Variants in CREBBP observed in about 807,000 individuals in gnomAD.
CREBBP encodes the protein CREB binding lysine acetyltransferase.
CREBBP carries 19 observed loss-of-function variants against 265.0 expected under a neutral mutation model. The observed-to-expected ratio is 0.07, with a 90% CI of 0.05 to 0.11. CREBBP has a LOEUF of 0.11. Among genes scored for constraint, CREBBP ranks in the 10% least tolerant of loss-of-function variants. CREBBP has a pLI of 1.00. For synonymous variants in CREBBP, 1,457 were observed against 1,223.7 expected, an observed-to-expected ratio of 1.19 and a Z score of -3.98; for missense variants, 2,525 against 3,219.0, an observed-to-expected ratio of 0.78 and a Z score of 5.22.
At chr16:3,878,701 T>C (rs1287316978) in intron 1 of CREBBP, among the ~76,000 whole-genome samples, 1 of 152,188 alleles carries the variant, frequency 6.6e-6, no homozygotes, top group Non-Finnish European at 1.5e-5. Flanking sequence ...GACTCATTCA[T>C]TAGAAACTGA....
At chr16:3,825,167 T>C (rs2238418) in intron 2 of CREBBP, among the ~76,000 whole-genome samples, 1,859 of 152,332 alleles carry the variant, frequency 0.012, 66 homozygotes, top group East Asian at 0.12. Flanking sequence ...ATGTCTAAAG[T>C]TGGCATTTCT....
At chr16:3,825,085 C>T (rs558228779) in intron 2 of CREBBP, among the ~76,000 whole-genome samples, 1 of 152,276 alleles carries the variant, frequency 6.6e-6, no homozygotes, top group African/African-American at 2.4e-5. Flanking sequence ...ATAAAATGAA[C>T]AGACTTTCTA....
At chr16:3,813,357 A>G (rs2053974191) in intron 2 of CREBBP, among the ~76,000 whole-genome samples, 1 of 152,212 alleles carries the variant, frequency 6.6e-6, no homozygotes, top group African/African-American at 2.4e-5. Flanking sequence ...GACTTAATCT[A>G]GGCAAGATGG....
chr16:3,803,462 G>A (rs954011799), intron 3 of CREBBP, among the ~76,000 whole-genome samples: 3 of 151,794 alleles, frequency 2.0e-5, no homozygotes, highest in African/African-American at 4.8e-5. Context: ...CCAAGATCGC[G>A]CCACTGCACT....
intron 4 of CREBBP, among the ~76,000 whole-genome samples, chr16:3,792,767 T>C (rs907860482): frequency 1.3e-5 from 2 of 152,152 alleles, no homozygotes; most frequent in African/African-American, 4.8e-5. Context: ...AGTACAGCTG[T>C]TAATAAGAAA....
chr16:3,766,433 A>C (rs755325077), intron 16 of CREBBP, among the ~76,000 whole-genome samples: 38 of 152,156 alleles, frequency 2.5e-4, no homozygotes, highest in Non-Finnish European at 7.4e-5. Flanking sequence ...ATTCTTACTT[A>C]TTTTTGTTTT....
rs746079826 is a variant in CREBBP, at chr16:3,731,931, G to C, written c.4735C>G (p.Gln1579Glu). The C allele has an allele frequency of 1.9e-6, 3 of 1,614,204 alleles. No individual in the cohort carries two copies. In the Admixed American group the frequency reaches 5.0e-5, roughly 27 times the overall value. The change falls in exon 29 of 31, where the codon CAG becomes GAG. Residue 1579 changes from glutamine to glutamate, a missense_variant. By Grantham distance (29) the Gln-to-Glu change is conservative (BLOSUM62 2). Coordinates refer to ENST00000262367, the MANE Select transcript of CREBBP (RefSeq NM_004380.3). This position sits in a 1 kb window ranked among gnomAD's most constrained non-coding sequence, Gnocchi z 7.7. ...TAASETTEGS[Q>E]GDSKNAKKKN... is the part of the protein sequence containing the mutation. ...TTCTTGGCATTCTTGCTGTCGCCCT[G>C]ACTGCCCTGCAACAACACGCAAGGC...
chr16:3,761,346 A>T (rs1034987290), intron 16 of CREBBP, among the ~76,000 whole-genome samples: 3 of 152,214 alleles, frequency 2.0e-5, no homozygotes, highest in Non-Finnish European at 4.4e-5. Flanking sequence ...CCAGTTGGGA[A>T]GCGGCAAGCA....
At position 3,726,177 on chromosome 16, in the gene CREBBP, G is replaced by A. The variant is rs2051737894; in HGVS notation, c.*1541C>T. 4.4e-6 allele frequency: 1 copy of A among 229,218 alleles called. No individual in the cohort carries two copies. The highest frequency in any genetic ancestry group is 8.6e-6 in the Non-Finnish European group (1 of 116,202). The allele number at this position is 229,218 out of a possible 1,614,324, so 14.2% of individuals were successfully genotyped here. ...GCGCGGCAGCGGCAGGATTTGGGGG[G>A]AAGTCAGAAAGCACCTCGCGAGCCT... On this transcript the variant is annotated 3_prime_UTR_variant, in exon 31 of 31. Coordinates refer to ENST00000262367, the MANE Select transcript of CREBBP (RefSeq NM_004380.3).
intron 21 of CREBBP, among the ~76,000 whole-genome samples, chr16:3,747,011 T>A (rs1467239636): frequency 6.6e-6 from 1 of 152,048 alleles, no homozygotes; most frequent in African/African-American, 2.4e-5. Context: ...GACATCCATT[T>A]TGAATTTCCC....
intron 1 of CREBBP, among the ~76,000 whole-genome samples, chr16:3,862,133 A>G (rs887038766): frequency 2.0e-5 from 3 of 152,248 alleles, no homozygotes; most frequent in African/African-American, 7.2e-5. Context: ...ACCAAGCCAC[A>G]AACTTAAATT....
intron 2 of CREBBP, among the ~76,000 whole-genome samples, chr16:3,828,372 G>A (rs949428867): frequency 7.2e-5 from 11 of 152,310 alleles, no homozygotes; most frequent in Admixed American, 4.6e-4. Flanking sequence ...GATTACAAGC[G>A]TGAGCCACCA....
rs563902043 is a variant in CREBBP, at chr16:3,735,964, G to A, written c.4728+72C>T. 2.2e-3 allele frequency: 3,541 copies of A among 1,613,090 alleles called. 61 individuals are homozygous for A. Among genetic ancestry groups the A allele is most frequent in the Non-Finnish European group, 9.6e-4 (1,137 of 1,179,566 alleles). The stretch of plus-strand genomic sequence containing the variant: ...ACAGGAAGGACCTAACAGTCGACAC[G>A]CGCCTCCCAGCCTGCCACCCTGCAG... On this transcript the variant is annotated intron_variant, in intron 28 of 30. Transcript: ENST00000262367.
At chr16:3,874,588 T>C (rs9921407) in intron 1 of CREBBP, among the ~76,000 whole-genome samples, 3,655 of 152,290 alleles carry the variant, frequency 0.024, 160 homozygotes, top group African/African-American at 0.082. Context: ...GAAAGCCAAA[T>C]GCGTGCTCTC....
At chr16:3,868,108 C>T (rs1007956903) in intron 1 of CREBBP, among the ~76,000 whole-genome samples, 2 of 152,102 alleles carry the variant, frequency 1.3e-5, no homozygotes, top group African/African-American at 4.8e-5. Context: ...CACAGTCCAT[C>T]TCTAGAATAC....
intron 11 of CREBBP, among the ~76,000 whole-genome samples, chr16:3,777,343 AAAAAT>A (rs976797244): frequency 6.6e-6 from 1 of 151,826 alleles, no homozygotes; most frequent in African/African-American, 2.4e-5. Context: ...TCAAAAAAAT[AAAAAT>A]AAAATAAAAT....
chr16:3,735,342 G>A (rs952892458), intron 28 of CREBBP, among the ~76,000 whole-genome samples: 2 of 152,186 alleles, frequency 1.3e-5, no homozygotes, highest in Non-Finnish European at 2.9e-5. Flanking sequence ...TGTCTCCTGG[G>A]CTGGAGTGCA....
chr16:3,759,449 G>A (rs1334274866), intron 16 of CREBBP, among the ~76,000 whole-genome samples: 1 of 151,968 alleles, frequency 6.6e-6, no homozygotes, highest in African/African-American at 2.4e-5. Context: ...AGCCTGGTGT[G>A]TGTCGGGGGT....
chr16:3,784,928 T>A (rs1028489915), intron 5 of CREBBP, among the ~76,000 whole-genome samples: 12 of 152,242 alleles, frequency 7.9e-5, no homozygotes, highest in Non-Finnish European at 1.6e-4. Flanking sequence ...TAAACATTAT[T>A]ATATTTTTAT....
Sources: gnomAD v4.1 joint callset for allele counts (sites outside exome capture counted in the v4.1 genomes callset) on GRCh38, gnomAD v4.1.1 for gene constraint, Gnocchi (gnomAD v3.1) non-coding constraint, MANE v1.5 for transcripts, NCBI Gene and HGNC (gene_info 2026-07-23, HGNC 2026-07-21) for gene names.